ANXA4: variants seen among roughly 807,000 people sequenced by gnomAD.
ANXA4 encodes the protein annexin A4.
In ANXA4, 39 loss-of-function variants were observed where a neutral mutation model predicts 49.8. That is an observed-to-expected ratio of 0.78 (90% confidence interval 0.61 to 1.02). The LOEUF is 1.02. Among genes scored for constraint, ANXA4 ranks in the 50% least tolerant of loss-of-function variants. The pLI is 0.00. For missense variants in ANXA4, 360 were observed against 410.1 expected (o/e 0.88, Z 1.05); for synonymous variants, 134 against 152.5 (o/e 0.88, Z 0.89).
chr2:69,717,395 C>T (rs188501379), intron 2 of ANXA4, among the ~76,000 whole-genome samples: 3 of 152,230 alleles, frequency 2.0e-5, no homozygotes, highest in East Asian at 1.9e-4. Flanking sequence ...CATCCTGGCG[C>T]CCACCCTTTA....
intron 1 of ANXA4, among the ~76,000 whole-genome samples, chr2:69,651,365 A>G (rs1020994280): frequency 3.9e-5 from 6 of 152,048 alleles, no homozygotes; most frequent in African/African-American, 1.4e-4. Context: ...AGCAAGACGT[A>G]TTTTTGTTTT....
chr2:69,707,335 G>A (rs181587539), intron 2 of ANXA4, among the ~76,000 whole-genome samples: 16 of 152,260 alleles, frequency 1.1e-4, no homozygotes, highest in Non-Finnish European at 2.4e-4. Flanking sequence ...TAATGTGCAA[G>A]CAGTAATGTG....
upstream of ANXA4, among the ~76,000 whole-genome samples, chr2:69,739,036 C>T (rs989641838): frequency 5.3e-5 from 8 of 152,332 alleles, no homozygotes; most frequent in South Asian, 2.1e-4. Flanking sequence ...TCCAGAGAGC[C>T]ACTGCATGAT....
intron 11 of ANXA4, among the ~76,000 whole-genome samples, chr2:69,819,741 G>A (rs567946277): frequency 2.8e-4 from 43 of 152,198 alleles, no homozygotes; most frequent in Admixed American, 4.6e-4. Flanking sequence ...TACTCTGCAG[G>A]CTGAGAATCA....
At chr2:69,727,443 C>G (rs900444662) in intron 3 of ANXA4, among the ~76,000 whole-genome samples, 1 of 152,098 alleles carries the variant, frequency 6.6e-6, no homozygotes, top group Non-Finnish European at 1.5e-5. Context: ...TTTGGACATT[C>G]TGGTGTGTGC....
intron 1 of ANXA4, among the ~76,000 whole-genome samples, chr2:69,763,980 G>T (rs1559160246): frequency 6.6e-6 from 1 of 152,012 alleles, no homozygotes. Context: ...TTCTGACGTG[G>T]TCCTCTTCTT....
At chr2:69,652,562 A>G (rs1383518333) in intron 1 of ANXA4, among the ~76,000 whole-genome samples, 1 of 152,170 alleles carries the variant, frequency 6.6e-6, no homozygotes, top group Non-Finnish European at 1.5e-5. Flanking sequence ...TGGGCACATT[A>G]AAGAATTGAA....
In ANXA4 at chr2:69,818,602, T is replaced by C; in HGVS notation, c.632T>C (p.Phe211Ser). 1 of 1,590,614 alleles carries C rather than the reference T, an allele frequency of 6.3e-7. No individual in the cohort carries two copies. Among genetic ancestry groups the C allele is most frequent in the Non-Finnish European group, 8.6e-7 (1 of 1,167,332 alleles). The change falls in exon 10 of 13, where the codon TTT (phenylalanine) becomes TCT (serine). Residue 211 changes from phenylalanine to serine, a missense_variant. Transcript: ENST00000394295. The part of the protein sequence containing the change: ...SRNRNHLLHV[F>S]DEYKRISQKD... Reference sequence around the variant, plus strand: ...ACTATTTTGTTATTGTCTGCAGTGTTTGATGAATACAAAAGGATATCACAG... The same window carrying C: ...ACTATTTTGTTATTGTCTGCAGTGTCTGATGAATACAAAAGGATATCACAG...
intron 1 of ANXA4, among the ~76,000 whole-genome samples, chr2:69,765,538 C>T (rs1044996099): frequency 1.3e-5 from 2 of 152,148 alleles, no homozygotes; most frequent in Non-Finnish European, 2.9e-5. Context: ...CCTCATGCTC[C>T]TCTACAGTTA....
chr2:69,758,857 G>T (rs987632883), intron 1 of ANXA4, among the ~76,000 whole-genome samples: 22 of 152,108 alleles, frequency 1.4e-4, no homozygotes, highest in African/African-American at 5.1e-4. Context: ...TATAGGCCAG[G>T]CACAGTGGCT....
intron 3 of ANXA4, among the ~76,000 whole-genome samples, chr2:69,733,787 T>G (rs1670168722): frequency 6.6e-6 from 1 of 152,234 alleles, no homozygotes; most frequent in Admixed American, 6.5e-5. Flanking sequence ...TTACTTTTGC[T>G]TCATACTGTA....
chr2:69,814,748 GTGT>G (rs1673889415), intron 8 of ANXA4: 1 of 45,924 alleles, frequency 2.2e-5, no homozygotes. Context: ...AGAGGGGTGT[GTGT>G]GTGTGTGTGT....
intron 2 of ANXA4, among the ~76,000 whole-genome samples, chr2:69,707,665 G>A (rs772680446): frequency 7.2e-5 from 11 of 152,116 alleles, no homozygotes; most frequent in Non-Finnish European, 1.6e-4. Flanking sequence ...GGCATGCTAC[G>A]CATAACAATC....
intron 1 of ANXA4, among the ~76,000 whole-genome samples, chr2:69,757,238 T>TTTTATATATATATATA (rs1267602375): frequency 3.4e-5 from 2 of 59,066 alleles, no homozygotes; most frequent in African/African-American, 6.3e-5. Flanking sequence ...CATTTTTGTT[T>TTTTATATATATATATA]TATATATATA....
At chr2:69,823,396 G>T (rs1167856618) in intron 12 of ANXA4, among the ~76,000 whole-genome samples, 1 of 151,392 alleles carries the variant, frequency 6.6e-6, no homozygotes, top group Non-Finnish European at 1.5e-5. Flanking sequence ...AATGACAAAA[G>T]ATAAAAATAA....
At chr2:69,648,494 A>G (rs1006661155) in intron 1 of ANXA4, among the ~76,000 whole-genome samples, 1 of 152,186 alleles carries the variant, frequency 6.6e-6, no homozygotes, top group African/African-American at 2.4e-5. Flanking sequence ...TGTTTAGCAG[A>G]AGCGAACTTG....
chr2:69,750,558 A>G (rs971387943), intron 1 of ANXA4, among the ~76,000 whole-genome samples: 33 of 152,270 alleles, frequency 2.2e-4, no homozygotes, highest in Middle Eastern at 3.4e-3. Context: ...AACTATAGGC[A>G]CGCGCTGCCA....
rs575760015 is a variant in ANXA4 at position 69,691,047 on chromosome 2, T to C, written n.767-29727T>C. ...TTCCTTTTAATATTCCTTATGTGGG[T>C]AGCAGAAATATCAAGTTTGCAAATA... is the stretch of plus-strand genomic sequence containing the variant. On this transcript the variant is annotated intron_variant and non_coding_transcript_variant, in intron 2 of 3. Coordinates refer to the ANXA4 transcript ENST00000418066. Among the ~76,000 whole-genome samples the C allele has an allele frequency of 1.4e-4, 22 of 152,238 alleles. 1 individual carries two copies. The East Asian group carries it at 3.7e-3, about 25-fold the overall frequency.
intron 2 of ANXA4, among the ~76,000 whole-genome samples, chr2:69,787,839 T>C (rs1334826899): frequency 6.6e-6 from 1 of 152,206 alleles, no homozygotes; most frequent in Non-Finnish European, 1.5e-5. Flanking sequence ...CTTTATGGAA[T>C]TGTGAATTGT....
Sources: allele counts gnomAD v4.1 joint callset (sites outside exome capture counted in the v4.1 genomes callset), GRCh38; gene constraint gnomAD v4.1.1; transcripts MANE v1.5; gene names NCBI Gene and HGNC (gene_info 2026-07-23, HGNC 2026-07-21).